The following TMEM144 variants were observed in gnomAD, a reference collection of about 807,000 sequenced individuals.
TMEM144 encodes the protein transmembrane protein 144.
TMEM144 carries 39 observed loss-of-function variants against 43.6 expected under a neutral mutation model. The observed-to-expected ratio is 0.90, with a 90% CI of 0.69 to 1.17. TMEM144 has a LOEUF of 1.17. Ranked by LOEUF, TMEM144 falls within the 50% of genes most tolerant of loss-of-function variation. The probability of loss-of-function intolerance (pLI) is 0.00; values close to 1 mark genes in which losing one functional copy is unlikely to be tolerated. For synonymous variants in TMEM144, 154 were observed against 133.6 expected (o/e 1.15, Z -1.06); for missense variants, 417 against 411.9 (o/e 1.01, Z -0.11).
In TMEM144 at chr4:158,217,409, G is replaced by C; in HGVS notation, c.321G>C (p.Trp107Cys). 1 of 1,612,140 alleles carries C rather than the reference G, an allele frequency of 6.2e-7. No individual in the cohort carries two copies. Residue 107 changes from tryptophan to cysteine, a missense_variant, in exon 5 of 13, where the codon TGG (tryptophan) becomes TGC (cysteine). Transcript: ENST00000296529. ...IWGSFNALTG[W>C]ASSRFGWFGL... The stretch of plus-strand genomic sequence containing the variant: ...GATCATTTAATGCCTTAACTGGCTG[G>C]GCAAGCTCAAGGTAATTCAAGTCAA...
chr4:158,253,289 G>A (rs769454690), intron 12 of TMEM144, among the ~76,000 whole-genome samples, 155 bp from the exon 13 acceptor site: 4 of 152,182 alleles, frequency 2.6e-5, no homozygotes, highest in Non-Finnish European at 5.9e-5. Flanking sequence ...GGCTCTGCAG[G>A]GGTTTGTGAG....
intron 8 of TMEM144, among the ~76,000 whole-genome samples, chr4:158,236,484 G>A (rs1442872703): frequency 6.6e-6 from 1 of 152,062 alleles, no homozygotes. Context: ...CGTTTGGGAC[G>A]CTCCACGGCT....
At chr4:158,228,934 A>AT (rs1182540667) in intron 6 of TMEM144, among the ~76,000 whole-genome samples, 1 of 152,084 alleles carries the variant, frequency 6.6e-6, no homozygotes, top group African/African-American at 2.4e-5. Flanking sequence ...GTCGTGATGG[A>AT]TTGAGCAAGC....
At chr4:158,210,868 G>T (rs1733923870) in intron 1 of TMEM144, 1 of 151,750 alleles carries the variant, frequency 6.6e-6, no homozygotes, top group African/African-American at 2.4e-5. Context: ...TAAATTACTA[G>T]GAAAAATGTA....
At chr4:158,236,885 A>C (rs1012230423) in intron 8 of TMEM144, among the ~76,000 whole-genome samples, 1 of 152,100 alleles carries the variant, frequency 6.6e-6, no homozygotes, top group African/African-American at 2.4e-5. Flanking sequence ...TGCTTGCTTC[A>C]TGCAGATATG....
chr4:158,233,222 T>C (rs920463955), intron 7 of TMEM144: 13 of 308,914 alleles, frequency 4.2e-5, no homozygotes, highest in Non-Finnish European at 7.2e-5. Context: ...TACTAGGTGA[T>C]ATATATATAA....
At chr4:158,223,719 A>AT (rs1734615860) in intron 6 of TMEM144, among the ~76,000 whole-genome samples, 1 of 152,218 alleles carries the variant, frequency 6.6e-6, no homozygotes. Flanking sequence ...AGCCTCATCC[A>AT]TGTCTCTGCA....
At chr4:158,240,449 A>G (rs1232992036) in intron 10 of TMEM144, 31 bp downstream of exon 10, 2 of 1,569,140 alleles carry the variant, frequency 1.3e-6, no homozygotes, top group Middle Eastern at 1.7e-4. Context: ...TCTTCTTACT[A>G]TATGAAAGTG....
chr4:158,217,624 G>A (rs1172552132), intron 5 of TMEM144, among the ~76,000 whole-genome samples: 1 of 152,144 alleles, frequency 6.6e-6, no homozygotes. Flanking sequence ...AAGATATAGT[G>A]TAGCATTAAA....
intron 11 of TMEM144, among the ~76,000 whole-genome samples, chr4:158,242,679 A>G (rs1735689003): frequency 6.6e-6 from 1 of 152,194 alleles, no homozygotes; most frequent in African/African-American, 2.4e-5. Context: ...AAAAAAAAGA[A>G]AGAAAGAAAG....
At position 158,217,435 on chromosome 4, in the gene TMEM144, A is replaced by G. The variant is rs1186533122; in HGVS notation, c.332+15A>G. 2.6e-6 allele frequency: 4 copies of G among 1,540,698 alleles called. No homozygotes were observed. In the South Asian group the frequency reaches 3.4e-5, roughly 13 times the overall value. On this transcript the variant is annotated intron_variant, in intron 5 of 12. Coordinates refer to ENST00000296529, the MANE Select transcript of TMEM144 (RefSeq NM_018342.5). ...GCAAGCTCAAGGTAATTCAAGTCAA[A>G]CTAGTTCAACTAAGATTTCCTGCAT...
chr4:158,213,286 G>A (rs1207051217), intron 3 of TMEM144: 1 of 154,528 alleles, frequency 6.5e-6, no homozygotes, highest in Non-Finnish European at 1.4e-5. Flanking sequence ...ATCACATGTG[G>A]TTATGATGTA....
Position 158,210,602 on chromosome 4 carries a change from C to A in TMEM144, c.-183+16C>A, listed in dbSNP as rs1282641593. The A allele has an allele frequency of 2.0e-5, 3 of 152,234 alleles. No homozygotes were observed. Among genetic ancestry groups the A allele is most frequent in the African/African-American group, 7.2e-5 (3 of 41,468 alleles). The allele number at this position is 152,234 out of a possible 1,614,324, so 9.4% of individuals were successfully genotyped here. The stretch of plus-strand genomic sequence containing the variant: ...CCGGAACGCAGTGAGTACAGCCACT[C>A]AAAGGAAAGCCAAGTCGCTTTGCAG... On this transcript the variant is annotated intron_variant, in intron 1 of 12. Coordinates refer to ENST00000296529, the MANE Select transcript of TMEM144 (RefSeq NM_018342.5).
chr4:158,216,194 C>G (rs1197811853), intron 4 of TMEM144, among the ~76,000 whole-genome samples: 1 of 152,150 alleles, frequency 6.6e-6, no homozygotes, highest in African/African-American at 2.4e-5. Flanking sequence ...CATCCTGCAG[C>G]TCTTTATAGC....
Position 158,253,725 on chromosome 4 carries a change from T to C in TMEM144, c.*198T>C. 1 of 557,412 alleles carries C rather than the reference T, an allele frequency of 1.8e-6. No individual in the cohort carries two copies. The highest frequency in any genetic ancestry group is 3.2e-6 in the Non-Finnish European group (1 of 311,914). The allele number at this position is 557,412 out of a possible 1,614,324, so 34.5% of individuals were successfully genotyped here. A position where few individuals can be genotyped will look rare whatever the true frequency, so the allele number is the denominator to read the frequency against. On this transcript the variant is annotated 3_prime_UTR_variant, in exon 13 of 13. Transcript: ENST00000296529. ...TTTCATTCAAGTATAAAAATGAAAATTTCTTCTGATGAACTGTTTATGAAG... is the reference window on the plus strand; with the variant it reads ...TTTCATTCAAGTATAAAAATGAAAACTTCTTCTGATGAACTGTTTATGAAG...
rs1736322801 is a variant in TMEM144 at position 158,253,537 on chromosome 4, A to C, written c.*10A>C. ...TTTTTCTAAAATCTAACAATGACAA[A>C]ACCAGCAGGTGGCAGCAGTAGTTAA... is the stretch of plus-strand genomic sequence containing the variant. On this transcript the variant is annotated 3_prime_UTR_variant, in exon 13 of 13. Coordinates refer to ENST00000296529, the MANE Select transcript of TMEM144 (RefSeq NM_018342.5). The C allele has an allele frequency of 6.2e-7, 1 of 1,610,318 alleles. No homozygotes were observed. The highest frequency in any genetic ancestry group is 1.3e-5 in the African/African-American group (1 of 74,808).
intron 4 of TMEM144, among the ~76,000 whole-genome samples, chr4:158,216,498 G>C (rs1282702162): frequency 6.6e-6 from 1 of 152,172 alleles, no homozygotes; most frequent in African/African-American, 2.4e-5. Context: ...CTACCATAGA[G>C]AACATCTGGT....
intron 6 of TMEM144, among the ~76,000 whole-genome samples, chr4:158,224,683 A>T (rs886695174): frequency 3.9e-5 from 6 of 152,176 alleles, no homozygotes; most frequent in Non-Finnish European, 7.3e-5. Context: ...TGAAGTCCTT[A>T]CTATACAAGT....
intron 3 of TMEM144, chr4:158,213,334 C>T (rs1391744066): frequency 6.5e-6 from 1 of 152,730 alleles, no homozygotes; most frequent in Non-Finnish European, 1.5e-5. Flanking sequence ...ACTCCTCACC[C>T]AATACCTTCA....
Sources: allele counts gnomAD v4.1 joint callset (sites outside exome capture counted in the v4.1 genomes callset), GRCh38; gene constraint gnomAD v4.1.1; transcripts MANE v1.5; gene names NCBI Gene and HGNC (gene_info 2026-07-23, HGNC 2026-07-21).